The following TENM3 variants were observed in gnomAD, a reference collection of about 807,000 sequenced individuals.
TENM3 encodes the protein teneurin-3.
In TENM3, 63 loss-of-function variants were observed where a neutral mutation model predicts 255.1. That is an observed-to-expected ratio of 0.25 (90% CI 0.20 to 0.30). TENM3 has a LOEUF of 0.30. Ranked by LOEUF, TENM3 falls within the 10% of genes least tolerant of loss-of-function variation. The pLI is 1.00. For synonymous variants in TENM3, 1,306 were observed against 1,322.3 expected, an observed-to-expected ratio of 0.99 and a Z score of 0.27; for missense variants, 2,929 against 3,461.1, an observed-to-expected ratio of 0.85 and a Z score of 3.86.
At chr4:182,532,430 A>G (rs1560883381) in intron 3 of TENM3, among the ~76,000 whole-genome samples, 1 of 152,220 alleles carries the variant, frequency 6.6e-6, no homozygotes, top group Non-Finnish European at 1.5e-5. Context: ...TGTGTTAGAC[A>G]TGCCATTACT....
chr4:181,571,371 C>T, the TENM3 span, among the ~76,000 whole-genome samples: 1 of 152,108 alleles, frequency 6.6e-6, no homozygotes, highest in Admixed American at 6.5e-5. Flanking sequence ...GGGTCTCACT[C>T]TGTTGCCCAG....
intron 3 of TENM3, among the ~76,000 whole-genome samples, chr4:182,473,681 TA>T (rs939397104): frequency 3.1e-5 from 4 of 129,920 alleles, no homozygotes; most frequent in African/African-American, 1.3e-4. Context: ...TAAAAAAAAA[TA>T]AAATAAAATA....
At chr4:182,048,886 G>A in the TENM3 span, among the ~76,000 whole-genome samples, 1 of 152,130 alleles carries the variant, frequency 6.6e-6, no homozygotes, top group Non-Finnish European at 1.5e-5. Context: ...ATTGTAAATG[G>A]TGTTATCACC....
chr4:182,212,905 T>C (rs1193605038), intron 1 of TENM3, among the ~76,000 whole-genome samples: 1 of 152,214 alleles, frequency 6.6e-6, no homozygotes, highest in African/African-American at 2.4e-5. Context: ...AGGCAATTTC[T>C]TTTTTCTTTA....
At chr4:182,658,626 A>G (rs1753959302) in intron 6 of TENM3, among the ~76,000 whole-genome samples, 1 of 152,254 alleles carries the variant, frequency 6.6e-6, no homozygotes, top group Admixed American at 6.5e-5. Context: ...TTGGTTATCT[A>G]TTACTACATA....
intron 24 of TENM3, among the ~76,000 whole-genome samples, chr4:182,778,836 A>C (rs1764905507): frequency 6.6e-6 from 1 of 151,936 alleles, no homozygotes; most frequent in Admixed American, 6.6e-5. Context: ...AAATGGATTC[A>C]TTTTCATATA....
At chr4:181,825,180 A>G in the TENM3 span, among the ~76,000 whole-genome samples, 1 of 152,178 alleles carries the variant, frequency 6.6e-6, no homozygotes, top group Admixed American at 6.5e-5. Context: ...AGGCAGATGG[A>G]TCATGAGGTC....
At chr4:182,113,237 G>T in the TENM3 span, among the ~76,000 whole-genome samples, 1 of 152,190 alleles carries the variant, frequency 6.6e-6, no homozygotes, top group Admixed American at 6.5e-5. Flanking sequence ...TCTTTTAATA[G>T]ACTTAAAGAT....
At chr4:182,573,041 C>T (rs1459087365) in intron 3 of TENM3, among the ~76,000 whole-genome samples, 1 of 152,282 alleles carries the variant, frequency 6.6e-6, no homozygotes, top group South Asian at 2.1e-4. Context: ...ACCATCAATA[C>T]GGATTGTGCC....
At chr4:182,306,921 A>C (rs1449540088) in intron 1 of TENM3, among the ~76,000 whole-genome samples, 1 of 152,188 alleles carries the variant, frequency 6.6e-6, no homozygotes, top group Non-Finnish European at 1.5e-5. Context: ...AGGCATGCTA[A>C]AGTCATAGCT....
At position 182,628,931 on chromosome 4, in the gene TENM3, G is replaced by T. The variant is rs138861717; in HGVS notation, c.988+42G>T. On this transcript the variant is annotated intron_variant, in intron 5 of 27. Coordinates refer to ENST00000511685, the MANE Select transcript of TENM3 (RefSeq NM_001080477.4). ...AGAATTACTTTGTCTGTAAATCAGGGTGTTACATTGTTTTATTACTTGTAT... is the reference window on the plus strand; with the variant it reads ...AGAATTACTTTGTCTGTAAATCAGGTTGTTACATTGTTTTATTACTTGTAT... The T allele has an allele frequency of 1.6e-5, 19 of 1,171,630 alleles. No individual in the cohort carries two copies. In the African/African-American group the frequency reaches 2.8e-4, roughly 17 times the overall value. The allele number at this position is 1,171,630 out of a possible 1,614,324, so 72.6% of individuals were successfully genotyped here.
chr4:182,777,547 C>CTT (rs1157448732), intron 24 of TENM3, among the ~76,000 whole-genome samples: 2,527 of 45,542 alleles, frequency 0.055, 529 homozygotes, highest in East Asian at 0.12. Context: ...GTGTGTATTT[C>CTT]TTTTTTTTTT....
chr4:182,754,556 G>A lies in TENM3; in HGVS notation c.4189G>A (p.Ala1397Thr), dbSNP rs564450127. ...PGVEYPVGKH[A>T]VQTTLESATA... ...AGTGGAATATCCTGTGGGGAAGCACGCGGTGCAGACAACACTGGAATCAGC... is the reference window on the plus strand; with the variant it reads ...AGTGGAATATCCTGTGGGGAAGCACACGGTGCAGACAACACTGGAATCAGC... The change falls in exon 22 of 28, where the codon GCG (alanine) becomes ACG (threonine). Residue 1397 changes from alanine to threonine, a missense_variant. By Grantham distance (58) the Ala-to-Thr change is moderately conservative. Coordinates refer to ENST00000511685, the MANE Select transcript of TENM3 (RefSeq NM_001080477.4). This position sits in a 1 kb window ranked among gnomAD's most constrained non-coding sequence, Gnocchi z 5.1. The A allele has an allele frequency of 7.4e-5, 120 of 1,613,960 alleles. No homozygotes were observed. The highest frequency in any genetic ancestry group is 1.2e-4 in the African/African-American group (9 of 75,048).
At chr4:182,549,614 CT>C (rs1444942916) in intron 3 of TENM3, among the ~76,000 whole-genome samples, 1 of 152,186 alleles carries the variant, frequency 6.6e-6, no homozygotes, top group Admixed American at 6.5e-5. Context: ...GGGCCCAGCA[CT>C]TTTCACTGAG....
chr4:182,599,840 A>C (rs954341590), intron 3 of TENM3, among the ~76,000 whole-genome samples: 1 of 152,228 alleles, frequency 6.6e-6, no homozygotes, highest in Non-Finnish European at 1.5e-5. Flanking sequence ...AACTGCATTT[A>C]GTCCAAAATT....
At chr4:182,160,810 A>G (rs1008239264) in intron 1 of TENM3, among the ~76,000 whole-genome samples, 16 of 152,166 alleles carry the variant, frequency 1.1e-4, no homozygotes, top group Admixed American at 2.6e-4. Context: ...CAAAAGAGCT[A>G]TAAGAGAGGA....
the TENM3 span, among the ~76,000 whole-genome samples, chr4:181,894,800 C>T: frequency 6.6e-6 from 1 of 151,826 alleles, no homozygotes; most frequent in South Asian, 2.1e-4. Context: ...TAAGAATTCA[C>T]GGATGCCACA....
chr4:182,499,025 G>A (rs191628746), intron 3 of TENM3, among the ~76,000 whole-genome samples: 102 of 152,252 alleles, frequency 6.7e-4, no homozygotes, highest in African/African-American at 2.3e-3. Flanking sequence ...CCAAAACTTG[G>A]AGGTGCTCAG....
chr4:182,335,144 G>T (rs747716988), intron 2 of TENM3, among the ~76,000 whole-genome samples: 1 of 151,864 alleles, frequency 6.6e-6, no homozygotes, highest in Non-Finnish European at 1.5e-5. Context: ...TTACTCCCCT[G>T]AAACTTCTCG....
Sources: gnomAD v4.1 joint callset for allele counts (sites outside exome capture counted in the v4.1 genomes callset) on GRCh38, gnomAD v4.1.1 for gene constraint, Gnocchi (gnomAD v3.1) non-coding constraint, MANE v1.5 for transcripts, NCBI Gene and HGNC (gene_info 2026-07-23, HGNC 2026-07-21) for gene names.